Variants in SYT16 observed in about 807,000 individuals in gnomAD.
The protein encoded by SYT16 is synaptotagmin 16.
In SYT16, 42 loss-of-function variants were observed where a neutral mutation model predicts 61.4. The observed-to-expected ratio is 0.68, with a 90% CI of 0.53 to 0.89. The LOEUF (loss-of-function observed/expected upper bound fraction) is 0.89, where lower values mean the gene tolerates loss of function less well. Ranked by LOEUF, SYT16 falls within the 40% of genes least tolerant of loss-of-function variation. The probability of loss-of-function intolerance (pLI) is 0.00; values close to 1 mark genes in which losing one functional copy is unlikely to be tolerated. For synonymous variants in SYT16, 314 were observed against 302.3 expected (o/e 1.04, Z -0.40); for missense variants, 804 against 807.3 (o/e 1.00, Z 0.05).
intron 3 of SYT16, among the ~76,000 whole-genome samples, chr14:61,998,954 CTG>C (rs2052879606): frequency 6.6e-6 from 1 of 151,758 alleles, no homozygotes; most frequent in African/African-American, 2.4e-5. Flanking sequence ...ATAAATAACA[CTG>C]TTTTGAAAGT....
At chr14:61,930,141 G>A (rs927637274) in intron 1 of SYT16, among the ~76,000 whole-genome samples, 1 of 152,116 alleles carries the variant, frequency 6.6e-6, no homozygotes, top group Admixed American at 6.5e-5. Flanking sequence ...CATAAAGGCA[G>A]GCTTTTCTGT....
intron 5 of SYT16, among the ~76,000 whole-genome samples, chr14:62,077,038 G>C (rs929898385): frequency 1.3e-5 from 2 of 152,170 alleles, no homozygotes; most frequent in African/African-American, 4.8e-5. Context: ...ATCCAACTCG[G>C]AGGCAGTTCC....
intron 1 of SYT16, among the ~76,000 whole-genome samples, chr14:61,901,072 C>A (rs1423188878): frequency 1.3e-5 from 2 of 152,196 alleles, no homozygotes; most frequent in Non-Finnish European, 2.9e-5. Context: ...ACTTGTGATA[C>A]CTCCTCCTCG....
intron 1 of SYT16, among the ~76,000 whole-genome samples, chr14:61,919,098 A>G (rs747440172): frequency 6.6e-6 from 1 of 152,180 alleles, no homozygotes; most frequent in Non-Finnish European, 1.5e-5. Flanking sequence ...TTTCTCCAAC[A>G]GGGATATATT....
chr14:61,910,375 A>G (rs911804306), intron 1 of SYT16, among the ~76,000 whole-genome samples: 2 of 151,482 alleles, frequency 1.3e-5, no homozygotes, highest in African/African-American at 4.9e-5. Flanking sequence ...AGTAGCTGAG[A>G]TTACAGGCGC....
intron 1 of SYT16, among the ~76,000 whole-genome samples, chr14:61,911,396 A>G (rs2048929276): frequency 6.6e-6 from 1 of 152,214 alleles, no homozygotes; most frequent in Non-Finnish European, 1.5e-5. Flanking sequence ...AGGGGCATTC[A>G]CATTCTTACA....
chr14:62,098,023 AG>A (rs1486498869), intron 7 of SYT16, among the ~76,000 whole-genome samples: 2 of 152,240 alleles, frequency 1.3e-5, no homozygotes, highest in Admixed American at 6.5e-5. Context: ...GAGACAGAGA[AG>A]TGTTTTCACA....
chr14:61,922,645 T>C (rs78665195), intron 1 of SYT16, among the ~76,000 whole-genome samples: 3,469 of 152,246 alleles, frequency 0.023, 50 homozygotes, highest in Admixed American at 0.032. Context: ...TTGCATTTAC[T>C]TACCTTGAAT....
intron 3 of SYT16, among the ~76,000 whole-genome samples, chr14:62,034,848 G>T (rs1458049361): frequency 1.3e-5 from 2 of 152,094 alleles, no homozygotes; most frequent in African/African-American, 2.4e-5. Context: ...TTGGTGAATT[G>T]TTATGTGATT....
chr14:61,962,483 C>T (rs903666030), intron 1 of SYT16, among the ~76,000 whole-genome samples: 4 of 151,856 alleles, frequency 2.6e-5, no homozygotes, highest in Admixed American at 6.6e-5. Flanking sequence ...TAATGTGTCT[C>T]GGTATAGATC....
At chr14:61,975,805 C>T (rs543934156) in intron 2 of SYT16, among the ~76,000 whole-genome samples, 2 of 152,278 alleles carry the variant, frequency 1.3e-5, no homozygotes, top group African/African-American at 2.4e-5. Context: ...TATTATTCTG[C>T]TCCTGGTTCC....
At chr14:61,919,274 C>G (rs1228874886) in intron 1 of SYT16, among the ~76,000 whole-genome samples, 1 of 152,196 alleles carries the variant, frequency 6.6e-6, no homozygotes, top group East Asian at 1.9e-4. Context: ...CAACAGCCTC[C>G]TAGTTGGGTT....
At chr14:62,091,376 T>C (rs1227664421) in intron 7 of SYT16, among the ~76,000 whole-genome samples, 1 of 152,052 alleles carries the variant, frequency 6.6e-6, no homozygotes, top group Non-Finnish European at 1.5e-5. Context: ...AAGGAAGTAA[T>C]GGGAAGCAAG....
chr14:62,111,957 T>C lies in SYT16; in HGVS notation c.*11250T>C, dbSNP rs1595435085. 3 of 152,290 alleles carry C rather than the reference T, an allele frequency of 2.0e-5. No individual in the cohort carries two copies. Among genetic ancestry groups the C allele is most frequent in the Middle Eastern group, 6.8e-3 (2 of 294 alleles). 9.4% of individuals were successfully genotyped at this position (152,290 alleles called of 1,614,324 possible). A position where few individuals can be genotyped will look rare whatever the true frequency, so the allele number is the denominator to read the frequency against. On this transcript the variant is annotated 3_prime_UTR_variant, in exon 8 of 8. Transcript: ENST00000683842. The stretch of plus-strand genomic sequence containing the variant: ...TACCAGAACAAACAGCTGTAGAATG[T>C]AATGACCCATCCTATTTCTAAATTT...
rs1325758353 is a variant in SYT16 at position 62,076,934 on chromosome 14, C to T, written c.993+1543C>T. Among the ~76,000 whole-genome samples, 16 of 152,162 alleles carry T rather than the reference C, an allele frequency of 1.1e-4. 1 individual carries two copies. Among genetic ancestry groups the T allele is most frequent in the Admixed American group, 1.0e-3 (16 of 15,276 alleles). On this transcript the variant is annotated intron_variant, in intron 5 of 7. Coordinates refer to ENST00000683842, the MANE Select transcript of SYT16 (RefSeq NM_001367656.1). ...TGAGGGTACTAAATGTTCTCAGACTCCAAAAATACCCAGACATCTCTGTGT... is the reference window on the plus strand; with the variant it reads ...TGAGGGTACTAAATGTTCTCAGACTTCAAAAATACCCAGACATCTCTGTGT...
chr14:62,021,134 T>C (rs994382444), intron 3 of SYT16, among the ~76,000 whole-genome samples: 1 of 152,200 alleles, frequency 6.6e-6, no homozygotes, highest in Non-Finnish European at 1.5e-5. Context: ...TATGCTTTTA[T>C]AGAGTGTGAG....
At chr14:62,040,733 T>C (rs2054695219) in intron 3 of SYT16, among the ~76,000 whole-genome samples, 1 of 152,134 alleles carries the variant, frequency 6.6e-6, no homozygotes, top group African/African-American at 2.4e-5. Context: ...TTTTAAAAAA[T>C]ATATTATTTT....
chr14:62,048,045 G>C (rs2055078429), intron 3 of SYT16, among the ~76,000 whole-genome samples: 1 of 152,226 alleles, frequency 6.6e-6, no homozygotes, highest in Non-Finnish European at 1.5e-5. Flanking sequence ...AGTTTCAGAA[G>C]GAATGGTACC....
chr14:61,830,955 T>C (rs1414905650), intron 1 of SYT16, among the ~76,000 whole-genome samples: 3 of 152,202 alleles, frequency 2.0e-5, no homozygotes, highest in Admixed American at 1.3e-4. Context: ...GGTTCTTTTG[T>C]GGTGTTTGCC....
Sources: gnomAD v4.1 joint callset for allele counts (sites outside exome capture counted in the v4.1 genomes callset) on GRCh38, gnomAD v4.1.1 for gene constraint, MANE v1.5 for transcripts, NCBI Gene and HGNC (gene_info 2026-07-23, HGNC 2026-07-21) for gene names.